Variants in RSBN1L observed in about 807,000 individuals in gnomAD.
The protein encoded by RSBN1L is round spermatid basic protein 1 like.
RSBN1L carries 30 observed loss-of-function variants against 67.7 expected under a neutral mutation model. The observed-to-expected ratio is 0.44, with a 90% CI of 0.33 to 0.60. The LOEUF is 0.60. Ranked by LOEUF, RSBN1L falls within the 20% of genes least tolerant of loss-of-function variation. RSBN1L has a pLI of 0.02. For synonymous variants in RSBN1L, 433 were observed against 387.0 expected (o/e 1.12, Z -1.39); for missense variants, 992 against 1,031.7 (o/e 0.96, Z 0.53).
intron 1 of RSBN1L, among the ~76,000 whole-genome samples, chr7:77,724,244 T>C (rs538368145): frequency 6.6e-6 from 1 of 152,248 alleles, no homozygotes; most frequent in South Asian, 2.1e-4. Context: ...CATATTATGT[T>C]ATATATTCAG....
chr7:77,743,037 T>A (rs1028035052), intron 2 of RSBN1L, among the ~76,000 whole-genome samples: 1 of 146,754 alleles, frequency 6.8e-6, no homozygotes, highest in Non-Finnish European at 1.5e-5. Flanking sequence ...AGTATTTAAT[T>A]ACAGAATAGT....
At chr7:77,751,494 A>G (rs981125466) in intron 3 of RSBN1L, among the ~76,000 whole-genome samples, 2 of 152,330 alleles carry the variant, frequency 1.3e-5, no homozygotes, top group East Asian at 3.9e-4. Context: ...CATGTTTGAG[A>G]ATTGAAAATT....
Position 77,782,456 on chromosome 7 carries a change from C to A in RSBN1L, c.*3288C>A, listed in dbSNP as rs1297374074. 6.6e-6 allele frequency: 1 copy of A among 152,154 alleles called. No individual in the cohort carries two copies. The highest frequency in any genetic ancestry group is 1.5e-5 in the Non-Finnish European group (1 of 68,030). The allele number at this position is 152,154 out of a possible 1,614,324, so 9.4% of individuals were successfully genotyped here. A position where few individuals can be genotyped will look rare whatever the true frequency, so the allele number is the denominator to read the frequency against. Reference sequence around the variant, plus strand: ...TAACCTTTTAGCTATCTAAATAATACGTATTCCATACTCAGGATAGCTGGT... The same window carrying A: ...TAACCTTTTAGCTATCTAAATAATAAGTATTCCATACTCAGGATAGCTGGT... On this transcript the variant is annotated 3_prime_UTR_variant, in exon 8 of 8. Coordinates refer to ENST00000334955, the MANE Select transcript of RSBN1L (RefSeq NM_198467.3).
chr7:77,757,539 A>G (rs1388195839), intron 3 of RSBN1L, among the ~76,000 whole-genome samples: 1 of 152,240 alleles, frequency 6.6e-6, no homozygotes, highest in Non-Finnish European at 1.5e-5. Context: ...TGCTGTATTA[A>G]ATGTATAAAC....
intron 2 of RSBN1L, among the ~76,000 whole-genome samples, chr7:77,747,939 AC>A (rs1791506776): frequency 6.6e-6 from 1 of 152,140 alleles, no homozygotes. Context: ...ACTTTCAGTC[AC>A]ATCAAATGGA....
At chr7:77,769,570 A>G (rs140993224) in intron 5 of RSBN1L, among the ~76,000 whole-genome samples, 4 of 152,354 alleles carry the variant, frequency 2.6e-5, no homozygotes, top group African/African-American at 9.6e-5. Context: ...TTCCTAAGCA[A>G]GACCAAACAA....
chr7:77,701,186 CAACAAA>C lies in RSBN1L; in HGVS notation c.586+4134_586+4139del, dbSNP rs1790814153. ...AAAAAAAAAACAACAACAACAACAA[CAACAAA>C]AAAAAACGACATCCCTTCTGTAGCT... On this transcript the variant is annotated intron_variant, in intron 1 of 7. Coordinates refer to ENST00000334955, the MANE Select transcript of RSBN1L (RefSeq NM_198467.3). Among the ~76,000 whole-genome samples, 19 of 130,262 alleles carry C rather than the reference CAACAAA, an allele frequency of 1.5e-4. No individual in the cohort carries two copies. In the South Asian group the frequency reaches 3.6e-3, roughly 25 times the overall value. The allele number at this position is 130,262 out of a possible 152,430, so 85.5% of individuals were successfully genotyped here. A position where few individuals can be genotyped will look rare whatever the true frequency, so the allele number is the denominator to read the frequency against.
Position 77,780,255 on chromosome 7 carries a change from C to A in RSBN1L, c.*1087C>A, listed in dbSNP as rs1373226211. On this transcript the variant is annotated 3_prime_UTR_variant, in exon 8 of 8. Coordinates refer to ENST00000334955, the MANE Select transcript of RSBN1L (RefSeq NM_198467.3). ...ATTTTCTTAAATTGCTGAATAAGAT[C>A]AATATGTGAAATTCCTTAGCCCTTC... 6.6e-6 allele frequency: 1 copy of A among 151,872 alleles called. No homozygotes were observed. The highest frequency in any genetic ancestry group is 1.5e-5 in the Non-Finnish European group (1 of 67,982). The allele number at this position is 151,872 out of a possible 1,614,324, so 9.4% of individuals were successfully genotyped here.
At chr7:77,705,544 C>G (rs1790880550) in intron 1 of RSBN1L, among the ~76,000 whole-genome samples, 1 of 118,742 alleles carries the variant, frequency 8.4e-6, no homozygotes, top group South Asian at 2.8e-4. Flanking sequence ...TGGAGTCTTG[C>G]TCTGTTGCCC....
chr7:77,702,272 A>G (rs567920599), intron 1 of RSBN1L, among the ~76,000 whole-genome samples: 1 of 152,140 alleles, frequency 6.6e-6, no homozygotes, highest in Non-Finnish European at 1.5e-5. Context: ...GGAAAAGTTT[A>G]AGCCTTTAAT....
At chr7:77,773,774 A>C (rs1207753704) in intron 6 of RSBN1L, among the ~76,000 whole-genome samples, 1 of 152,230 alleles carries the variant, frequency 6.6e-6, no homozygotes, top group Non-Finnish European at 1.5e-5. Flanking sequence ...AACAAAAACA[A>C]AAACAAATAA....
chr7:77,732,282 C>T (rs532175673), intron 1 of RSBN1L, among the ~76,000 whole-genome samples: 2 of 152,254 alleles, frequency 1.3e-5, no homozygotes, highest in South Asian at 4.1e-4. Flanking sequence ...AGTGATGCCA[C>T]GGCACTGTTT....
chr7:77,703,431 T>C (rs1790843688), intron 1 of RSBN1L, among the ~76,000 whole-genome samples: 1 of 151,462 alleles, frequency 6.6e-6, no homozygotes, highest in Admixed American at 6.6e-5. Flanking sequence ...CTCCTAGTTA[T>C]GTCAGACGTG....
chr7:77,774,508 C>G (rs1017493798), intron 6 of RSBN1L, among the ~76,000 whole-genome samples: 2 of 152,150 alleles, frequency 1.3e-5, no homozygotes, highest in African/African-American at 4.8e-5. Context: ...GTGGGCAGAT[C>G]ATGAGGTCAG....
chr7:77,762,332 G>T (rs972845059), intron 3 of RSBN1L, among the ~76,000 whole-genome samples: 1 of 152,088 alleles, frequency 6.6e-6, no homozygotes, highest in Non-Finnish European at 1.5e-5. Flanking sequence ...AAAAGATAAA[G>T]CCTCTTCTTA....
intron 1 of RSBN1L, among the ~76,000 whole-genome samples, chr7:77,720,616 C>T (rs540867931): frequency 6.6e-6 from 1 of 152,178 alleles, no homozygotes; most frequent in South Asian, 2.1e-4. Flanking sequence ...TACTGAGGCA[C>T]AACACGGTTA....
chr7:77,731,628 A>T (rs1185159604), intron 1 of RSBN1L, among the ~76,000 whole-genome samples: 1 of 152,200 alleles, frequency 6.6e-6, no homozygotes, highest in Non-Finnish European at 1.5e-5. Flanking sequence ...ATCTTTACCA[A>T]GTATTTTCTT....
At chr7:77,731,714 G>A (rs992471786) in intron 1 of RSBN1L, among the ~76,000 whole-genome samples, 1 of 151,908 alleles carries the variant, frequency 6.6e-6, no homozygotes, top group East Asian at 1.9e-4. Flanking sequence ...ATGAAATCCA[G>A]CTTTATCAGT....
At chr7:77,710,887 C>T (rs970556352) in intron 1 of RSBN1L, among the ~76,000 whole-genome samples, 8 of 152,122 alleles carry the variant, frequency 5.3e-5, no homozygotes, top group Non-Finnish European at 1.0e-4. Context: ...CCACCGTGCC[C>T]AGCCTTCTTT....
Sources: gnomAD v4.1 joint callset for allele counts (sites outside exome capture counted in the v4.1 genomes callset) on GRCh38, gnomAD v4.1.1 for gene constraint, MANE v1.5 for transcripts, NCBI Gene and HGNC (gene_info 2026-07-23, HGNC 2026-07-21) for gene names.